AK8: variants seen among roughly 807,000 people sequenced by gnomAD.
AK8 encodes adenylate kinase 8, also known as ATP-AMP transphosphorylase 8.
In AK8, 44 loss-of-function variants were observed where a neutral mutation model predicts 54.6. That is an observed-to-expected ratio of 0.81 (90% confidence interval 0.63 to 1.04). AK8 has a LOEUF of 1.04. AK8 is among the 50% of genes least tolerant of loss of function. The pLI, the probability that AK8 is intolerant of heterozygous loss-of-function variation, is 0.00. For synonymous variants in AK8, 239 were observed against 245.6 expected, an observed-to-expected ratio of 0.97 and a Z score of 0.25; for missense variants, 555 against 613.6, an observed-to-expected ratio of 0.90 and a Z score of 1.01.
At chr9:132,840,406 T>TCA (rs55856402) in intron 5 of AK8, among the ~76,000 whole-genome samples, 14,769 of 142,970 alleles carry the variant, frequency 0.1, 794 homozygotes, top group Admixed American at 0.14. Flanking sequence ...AAGTGGACAC[T>TCA]CACACACACA....
At chr9:132,827,963 C>T (rs1294688400) in intron 7 of AK8, 50 bp downstream of exon 7, 3 of 1,533,466 alleles carry the variant, frequency 2.0e-6, no homozygotes, top group Non-Finnish European at 2.7e-6. Flanking sequence ...CTGTCATCAC[C>T]ATGGACTCTG....
At chr9:132,728,797 T>C (rs914281144) in intron 11 of AK8, among the ~76,000 whole-genome samples, 2 of 152,198 alleles carry the variant, frequency 1.3e-5, no homozygotes, top group South Asian at 4.1e-4. Flanking sequence ...CTTCTCATGA[T>C]TCTCAGACTG....
chr9:132,754,410 C>A (rs985045361), intron 11 of AK8, among the ~76,000 whole-genome samples: 1 of 152,182 alleles, frequency 6.6e-6, no homozygotes, highest in Non-Finnish European at 1.5e-5. Flanking sequence ...TGTGGGCACC[C>A]AGCGTGTAAC....
At chr9:132,800,277 T>C (rs745908335) in intron 10 of AK8, among the ~76,000 whole-genome samples, 68 of 152,212 alleles carry the variant, frequency 4.5e-4, no homozygotes, top group Non-Finnish European at 8.2e-4. Flanking sequence ...TGCCAGGACC[T>C]GGCGCCAGGT....
Position 132,878,202 on chromosome 9 carries a change from C to A in AK8, c.54G>T (p.Gly18=). The A allele has an allele frequency of 6.8e-7, 1 of 1,480,844 alleles. No homozygotes were observed. The highest frequency in any genetic ancestry group is 2.4e-5 in the Admixed American group (1 of 42,440). 91.7% of individuals were successfully genotyped at this position (1,480,844 alleles called of 1,614,324 possible). ...HRIPPEMPQY[G]EENHIFELMQ... ...TCAACTCGAAGATGTGGTTCTCCTCCCCGTACTGGGGCATCTCGGGGGGGA... is the reference window on the plus strand; with the variant it reads ...TCAACTCGAAGATGTGGTTCTCCTCACCGTACTGGGGCATCTCGGGGGGGA... The change falls in exon 1 of 13, where the codon GGG becomes GGT. Residue 18 remains glycine (G), a synonymous_variant. Transcript: ENST00000298545. This position sits in a 1 kb window ranked among gnomAD's most constrained non-coding sequence, Gnocchi z 4.7.
At chr9:132,738,388 A>T (rs760595154) in intron 11 of AK8, among the ~76,000 whole-genome samples, 1 of 152,030 alleles carries the variant, frequency 6.6e-6, no homozygotes, top group Non-Finnish European at 1.5e-5. Context: ...CACATCTTCA[A>T]GTTTATTCCC....
chr9:132,783,589 A>AAGAG (rs201101231), intron 11 of AK8, among the ~76,000 whole-genome samples: 3 of 151,900 alleles, frequency 2.0e-5, no homozygotes, highest in African/African-American at 7.3e-5. Flanking sequence ...AAAAAAAAAA[A>AAGAG]AGAGAGAGAG....
In AK8 at chr9:132,803,330, G is replaced by A. The variant is rs4962217; in HGVS notation, c.980-10555C>T. Among the ~76,000 whole-genome samples the A allele has an allele frequency of 2.6e-5, 4 of 152,132 alleles. No homozygotes were observed. Among genetic ancestry groups the A allele is most frequent in the Middle Eastern group, 3.4e-3 (1 of 294 alleles). ...GGAGCTTTGTCAGTTCCCAGTTACC[G>A]CAGGGACTAGGTCCCCAAAGCTGGT... On this transcript the variant is annotated intron_variant, in intron 10 of 12. Transcript: ENST00000298545. The surrounding 1 kb of genome is among the most constrained non-coding windows in gnomAD (Gnocchi z 4.4).
At chr9:132,727,318 A>C (rs769701119) in intron 12 of AK8, 136 bp downstream of exon 12, 1 of 804,712 alleles carries the variant, frequency 1.2e-6, no homozygotes, top group Non-Finnish European at 2.1e-6. Flanking sequence ...CAGTTGGATA[A>C]AGTCCATTTT....
intron 10 of AK8, among the ~76,000 whole-genome samples, chr9:132,807,896 A>G (rs1205997565): frequency 6.6e-6 from 1 of 152,092 alleles, no homozygotes; most frequent in Non-Finnish European, 1.5e-5. Context: ...GAATGGAGCT[A>G]TGGGGAAGGA....
chr9:132,836,977 C>T (rs1842351610), intron 5 of AK8, among the ~76,000 whole-genome samples: 1 of 152,224 alleles, frequency 6.6e-6, no homozygotes, highest in South Asian at 2.1e-4. Context: ...CATACACAGG[C>T]TTTTCATAGT....
chr9:132,793,188 C>A lies in AK8; in HGVS notation c.980-413G>T, dbSNP rs60665198. ...CCTATTTTCTGGTTCACAGATGGTG[C>A]CTTCTTGCTTCATCCTCACCTGGTG... On this transcript the variant is annotated intron_variant, in intron 10 of 12. Transcript: ENST00000298545. Among the ~76,000 whole-genome samples, 1,114 of 152,208 alleles carry A rather than the reference C, an allele frequency of 7.3e-3. 12 individuals carry two copies. The highest frequency in any genetic ancestry group is 0.026 in the African/African-American group (1,071 of 41,502).
At chr9:132,754,583 C>T (rs2131029149) in intron 11 of AK8, among the ~76,000 whole-genome samples, 1 of 152,254 alleles carries the variant, frequency 6.6e-6, no homozygotes, top group African/African-American at 2.4e-5. Flanking sequence ...AATGGCCATT[C>T]CTCTTGCCGC....
intron 10 of AK8, among the ~76,000 whole-genome samples, chr9:132,797,426 G>C (rs1322970413): frequency 6.6e-6 from 1 of 152,214 alleles, no homozygotes; most frequent in Non-Finnish European, 1.5e-5. Flanking sequence ...CACTGAATCA[G>C]GTCCTGCGGC....
intron 11 of AK8, among the ~76,000 whole-genome samples, chr9:132,780,095 G>A (rs1263885015): frequency 6.6e-6 from 1 of 152,194 alleles, no homozygotes; most frequent in African/African-American, 2.4e-5. Flanking sequence ...GAGGGAAAGG[G>A]AAGAAGTGTC....
intron 9 of AK8, among the ~76,000 whole-genome samples, chr9:132,822,812 G>A (rs1588172675): frequency 1.3e-5 from 2 of 152,096 alleles, no homozygotes; most frequent in African/African-American, 2.4e-5. Context: ...AACGAGACTG[G>A]AGAAAATAAA....
chr9:132,823,089 G>A, intron 9 of AK8, 116 bp downstream of exon 9: 1 of 1,376,434 alleles, frequency 7.3e-7, no homozygotes. Flanking sequence ...AGAAAGAGAA[G>A]TGATACTGAC....
intron 7 of AK8, 99 bp downstream of exon 7, chr9:132,827,914 G>T (rs1841939471): frequency 1.6e-6 from 2 of 1,218,560 alleles, no homozygotes; most frequent in Non-Finnish European, 2.3e-6. Context: ...CTCTGTGGGT[G>T]CCCAGAGCAG....
intron 3 of AK8, among the ~76,000 whole-genome samples, chr9:132,865,467 T>C (rs1843550815): frequency 6.6e-6 from 1 of 152,208 alleles, no homozygotes; most frequent in Non-Finnish European, 1.5e-5. Flanking sequence ...ATCAGGCTTT[T>C]AAAAGGTAAA....
Sources: gnomAD v4.1 joint callset for allele counts (sites outside exome capture counted in the v4.1 genomes callset) on GRCh38, gnomAD v4.1.1 for gene constraint, Gnocchi (gnomAD v3.1) non-coding constraint, MANE v1.5 for transcripts, NCBI Gene and HGNC (gene_info 2026-07-23, HGNC 2026-07-21) for gene names.